The following CSMD2 variants were observed in gnomAD, a reference collection of about 807,000 sequenced individuals.
CSMD2 encodes the protein CUB and Sushi multiple domains 2, also known as CUB and sushi domain-containing protein 2.
In CSMD2, 130 loss-of-function variants were observed where a neutral mutation model predicts 398.5. The ratio of observed to expected loss-of-function variants is 0.33; its 90% CI spans 0.28 to 0.38. The LOEUF (loss-of-function observed/expected upper bound fraction) is 0.38, where lower values mean the gene tolerates loss of function less well. Ranked by LOEUF, CSMD2 falls within the 10% of genes least tolerant of loss-of-function variation. The probability of loss-of-function intolerance (pLI) is 1.00; values close to 1 mark genes in which losing one functional copy is unlikely to be tolerated. For synonymous variants in CSMD2, 1,828 were observed against 1,908.5 expected (o/e 0.96, Z 1.10); for missense variants, 3,829 against 4,764.9 (o/e 0.80, Z 5.78).
chr1:33,569,668 A>C (rs1659400990), intron 51 of CSMD2, 121 bp from the exon 52 acceptor site: 1 of 984,058 alleles, frequency 1.0e-6, no homozygotes. Flanking sequence ...GGAATTCCTG[A>C]CCAGAATATG....
intron 6 of CSMD2, among the ~76,000 whole-genome samples, chr1:33,828,530 G>C (rs956282927): frequency 1.3e-5 from 2 of 152,164 alleles, no homozygotes; most frequent in South Asian, 2.1e-4. Context: ...AGTGTTGCTA[G>C]AGGAAGGGGA....
chr1:33,754,247 G>A (rs1379419107), intron 13 of CSMD2, among the ~76,000 whole-genome samples: 1 of 152,140 alleles, frequency 6.6e-6, no homozygotes, highest in Admixed American at 6.5e-5. Flanking sequence ...CTTCATGAGT[G>A]GCTTAGCATC....
intron 1 of CSMD2, among the ~76,000 whole-genome samples, chr1:34,162,158 G>C (rs1431099836): frequency 8.2e-6 from 1 of 122,200 alleles, no homozygotes; most frequent in Non-Finnish European, 1.7e-5. Flanking sequence ...GACAACAAAA[G>C]AGTGAAACTC....
rs114242558 is a variant in CSMD2 at position 33,688,737 on chromosome 1, A to T, written c.4052+4193T>A. On this transcript the variant is annotated intron_variant, in intron 25 of 70. Transcript: ENST00000373381. Reference sequence around the variant, plus strand: ...AGGCTGAGGCATGAGAACTGCTTGAACCTGGAAGGTAGGGGTTGCAGTGAG... The same window carrying T: ...AGGCTGAGGCATGAGAACTGCTTGATCCTGGAAGGTAGGGGTTGCAGTGAG... Among the ~76,000 whole-genome samples, 972 of 152,188 alleles carry T rather than the reference A, an allele frequency of 6.4e-3. 6 individuals are homozygous for T. The highest frequency in any genetic ancestry group is 0.022 in the African/African-American group (919 of 41,508).
intron 3 of CSMD2, among the ~76,000 whole-genome samples, chr1:34,026,552 AAGTGTCAG>A (rs1255977701): frequency 5.3e-5 from 8 of 152,182 alleles, no homozygotes. Context: ...TCCTTCACAA[AAGTGTCAG>A]AGTGCACGAG....
chr1:33,834,442 A>C (rs1659996065), intron 6 of CSMD2, among the ~76,000 whole-genome samples: 1 of 83,274 alleles, frequency 1.2e-5, no homozygotes, highest in Non-Finnish European at 2.1e-5. Flanking sequence ...AAAACTGGCT[A>C]GCCATATGTA....
chr1:33,523,552 C>T, intron 66 of CSMD2, 133 bp from the exon 67 acceptor site: 1 of 603,268 alleles, frequency 1.7e-6, no homozygotes, highest in South Asian at 2.1e-5. Context: ...TCTCCACATC[C>T]CTTTAAGTCG....
chr1:33,997,418 C>A (rs1646762547), intron 3 of CSMD2, among the ~76,000 whole-genome samples: 1 of 152,210 alleles, frequency 6.6e-6, no homozygotes, highest in African/African-American at 2.4e-5. Context: ...TCTGATTAAT[C>A]TAATTTGCAC....
At chr1:34,162,658 A>C (rs574164075) in intron 1 of CSMD2, among the ~76,000 whole-genome samples, 1 of 152,132 alleles carries the variant, frequency 6.6e-6, no homozygotes, top group African/African-American at 2.4e-5. Context: ...CAGGAGCTCG[A>C]GACCAGCCTG....
At chr1:33,735,396 T>C (rs1281814492) in intron 15 of CSMD2, among the ~76,000 whole-genome samples, 2 of 152,190 alleles carry the variant, frequency 1.3e-5, no homozygotes, top group African/African-American at 2.4e-5. Context: ...GAGGTAAGTG[T>C]AGGGGAGAGA....
chr1:33,843,426 G>GA (rs1557990519), intron 6 of CSMD2, among the ~76,000 whole-genome samples: 2 of 152,122 alleles, frequency 1.3e-5, no homozygotes, highest in Admixed American at 6.5e-5. Context: ...GTTTATCTGG[G>GA]AAAAAATCTC....
chr1:33,577,302 A>C lies in CSMD2; in HGVS notation c.7570T>G (p.Cys2524Gly). The C allele has an allele frequency of 6.2e-7, 1 of 1,606,556 alleles. No individual in the cohort carries two copies. Among genetic ancestry groups the C allele is most frequent in the Non-Finnish European group, 8.5e-7 (1 of 1,175,138 alleles). The change falls in exon 49 of 71, where the codon TGT becomes GGT. Residue 2524 changes from cysteine to glycine, a missense_variant. Coordinates refer to ENST00000373381, the MANE Select transcript of CSMD2 (RefSeq NM_001281956.2). ...CTTTCCACCTGCTTCTCACCTTGAC[A>C]GAGAGGGATGGCTTCGCTCCACAGG... Reference protein sequence around the residue: ...YHLWSEAIPLCQALSCGLPEA... With the variant: ...YHLWSEAIPLGQALSCGLPEA...
At chr1:33,782,219 G>A (rs757812373) in intron 12 of CSMD2, among the ~76,000 whole-genome samples, 9 of 151,694 alleles carry the variant, frequency 5.9e-5, no homozygotes, top group Non-Finnish European at 1.0e-4. Context: ...GAGTCGAGAT[G>A]TCTATCCTGT....
At chr1:33,601,292 G>C (rs966321910) in intron 43 of CSMD2, among the ~76,000 whole-genome samples, 1 of 152,280 alleles carries the variant, frequency 6.6e-6, no homozygotes, top group Non-Finnish European at 1.5e-5. Context: ...ATGGAGCAGG[G>C]GTGTGGGTCT....
chr1:34,032,188 T>G (rs888051499), intron 3 of CSMD2, among the ~76,000 whole-genome samples: 11 of 152,216 alleles, frequency 7.2e-5, no homozygotes, highest in African/African-American at 2.4e-4. Context: ...TGGCAGTCAT[T>G]GTATGGTGTT....
Position 33,559,470 on chromosome 1 carries a change from AT to A in CSMD2, c.8383del (p.Ile2795LeufsTer206). On this transcript the variant is annotated frameshift_variant and splice_region_variant, in exon 54 of 71. Coordinates refer to ENST00000373381, the MANE Select transcript of CSMD2 (RefSeq NM_001281956.2). LOFTEE classifies it high-confidence loss of function. The surrounding 1 kb of genome is among the most constrained non-coding windows in gnomAD (Gnocchi z 4.0). ...AGGGTTGCCTGGGTGTCCACAGGTA[AT>A]TGCTGTAACCAAAACAGAAGATAGG... ...WSGKTPFCVP[I>X]TCGHPGNPVN... The A allele has an allele frequency of 6.5e-7, 1 of 1,536,078 alleles. No individual in the cohort carries two copies. Among genetic ancestry groups the A allele is most frequent in the Non-Finnish European group, 8.7e-7 (1 of 1,146,846 alleles).
chr1:34,161,922 C>A (rs1013552606), intron 1 of CSMD2, among the ~76,000 whole-genome samples: 6 of 151,926 alleles, frequency 3.9e-5, no homozygotes, highest in African/African-American at 1.5e-4. Context: ...CCTGTAATCC[C>A]AGCACTTTGG....
intron 15 of CSMD2, among the ~76,000 whole-genome samples, chr1:33,735,360 TA>T (rs1386065827): frequency 6.6e-6 from 1 of 152,206 alleles, no homozygotes; most frequent in Admixed American, 6.5e-5. Context: ...GGGGTATGAT[TA>T]TTTTTCCTTT....
chr1:34,147,028 C>T (rs570551272), intron 1 of CSMD2, among the ~76,000 whole-genome samples: 2 of 152,212 alleles, frequency 1.3e-5, no homozygotes, highest in East Asian at 1.9e-4. Context: ...GAGGCCGAGG[C>T]GGGCGGATCA....
Sources: gnomAD v4.1 joint callset for allele counts (sites outside exome capture counted in the v4.1 genomes callset) on GRCh38, gnomAD v4.1.1 for gene constraint, Gnocchi (gnomAD v3.1) non-coding constraint, MANE v1.5 for transcripts, NCBI Gene and HGNC (gene_info 2026-07-23, HGNC 2026-07-21) for gene names.